The following NRXN3 variants were observed in gnomAD, a reference collection of about 807,000 sequenced individuals.
NRXN3 encodes the protein neurexin III.
Under a neutral mutation model 137.6 loss-of-function variants are expected in NRXN3, and 32 were observed. That is an observed-to-expected ratio of 0.23 (90% confidence interval 0.18 to 0.31). The LOEUF (loss-of-function observed/expected upper bound fraction) is 0.31. NRXN3 is among the 10% of genes least tolerant of loss of function. NRXN3 has a pLI of 1.00. For synonymous variants in NRXN3, 798 were observed against 784.5 expected, an observed-to-expected ratio of 1.02 and a Z score of -0.29; for missense variants, 1,574 against 2,062.5, an observed-to-expected ratio of 0.76 and a Z score of 4.59.
chr14:79,190,588 C>T (rs745778267), intron 15 of NRXN3, among the ~76,000 whole-genome samples: 47 of 152,152 alleles, frequency 3.1e-4, no homozygotes, highest in Middle Eastern at 6.8e-3. Context: ...AGTGTCCAAA[C>T]GCCAATAATG....
At chr14:78,841,208 T>G (rs2099011396) in intron 10 of NRXN3, among the ~76,000 whole-genome samples, 1 of 152,158 alleles carries the variant, frequency 6.6e-6, no homozygotes, top group Non-Finnish European at 1.5e-5. Flanking sequence ...ACCTGGCCAC[T>G]TAGAATTATT....
At chr14:79,563,744 G>A (rs780705247) in intron 16 of NRXN3, among the ~76,000 whole-genome samples, 3 of 151,580 alleles carry the variant, frequency 2.0e-5, no homozygotes, top group Admixed American at 6.6e-5. Flanking sequence ...CACTATGGCA[G>A]TTGCAGGGCT....
chr14:78,919,683 T>C (rs965863024), intron 10 of NRXN3, among the ~76,000 whole-genome samples: 1 of 152,186 alleles, frequency 6.6e-6, no homozygotes, highest in Admixed American at 6.5e-5. Flanking sequence ...AGCAAACAAA[T>C]TGAAGATGTT....
chr14:79,597,743 A>T (rs181188376), intron 16 of NRXN3, among the ~76,000 whole-genome samples: 167 of 152,274 alleles, frequency 1.1e-3, no homozygotes, highest in African/African-American at 3.8e-3. Context: ...CTTAGAAGAC[A>T]TAGCCCTTTC....
chr14:78,550,662 G>A (rs2096679838), intron 4 of NRXN3, among the ~76,000 whole-genome samples: 1 of 152,120 alleles, frequency 6.6e-6, no homozygotes, highest in Non-Finnish European at 1.5e-5. Context: ...GCTCTGCCCG[G>A]GATGTATGAG....
intron 15 of NRXN3, among the ~76,000 whole-genome samples, chr14:79,106,430 C>T (rs1292491777): frequency 1.3e-5 from 2 of 151,710 alleles, no homozygotes; most frequent in African/African-American, 4.9e-5. Context: ...TGTGCTTTCT[C>T]TTGATTCCTG....
At chr14:78,478,072 A>G (rs555812972) in intron 4 of NRXN3, among the ~76,000 whole-genome samples, 1 of 152,308 alleles carries the variant, frequency 6.6e-6, no homozygotes, top group Non-Finnish European at 1.5e-5. Flanking sequence ...TTCTAACTTG[A>G]AGAATATAGC....
chr14:78,701,487 G>A (rs2194529), intron 6 of NRXN3, among the ~76,000 whole-genome samples: 75,370 of 152,056 alleles, frequency 0.5, 22,216 homozygotes, highest in Non-Finnish European at 0.63. Context: ...CTAGATAACT[G>A]AATGGCTTTT....
chr14:79,623,606 T>G (rs2098248250), intron 16 of NRXN3, among the ~76,000 whole-genome samples: 1 of 152,252 alleles, frequency 6.6e-6, no homozygotes, highest in African/African-American at 2.4e-5. Context: ...TATACTCAAC[T>G]GCAACTTTAC....
chr14:79,575,739 T>C (rs975108569), intron 16 of NRXN3, among the ~76,000 whole-genome samples: 4 of 152,182 alleles, frequency 2.6e-5, no homozygotes, highest in African/African-American at 9.7e-5. Flanking sequence ...TGTTTGAGTA[T>C]ATATACATAT....
intron 1 of NRXN3, among the ~76,000 whole-genome samples, chr14:78,225,680 C>T (rs1196369242): frequency 6.6e-6 from 1 of 152,146 alleles, no homozygotes; most frequent in African/African-American, 2.4e-5. Flanking sequence ...TATTCGCTCC[C>T]ACCCATCCTG....
chr14:78,779,476 A>C (rs943122958), intron 8 of NRXN3, among the ~76,000 whole-genome samples: 2 of 152,134 alleles, frequency 1.3e-5, no homozygotes, highest in African/African-American at 2.4e-5. Context: ...TGAAGTGAAA[A>C]AACTAGCCAA....
chr14:78,369,972 C>T (rs897026815), intron 4 of NRXN3, among the ~76,000 whole-genome samples: 2 of 150,988 alleles, frequency 1.3e-5, no homozygotes, highest in Non-Finnish European at 2.9e-5. Context: ...TTTGTCTGCT[C>T]AAGTTAAATA....
intron 1 of NRXN3, among the ~76,000 whole-genome samples, chr14:78,178,909 A>AGAG (rs1179921360): frequency 8.5e-5 from 13 of 152,170 alleles, no homozygotes; most frequent in African/African-American, 2.7e-4. Context: ...TACTCTAGAC[A>AGAG]GAGGTCTTCC....
At chr14:78,923,439 A>C (rs2099276513) in intron 10 of NRXN3, among the ~76,000 whole-genome samples, 1 of 152,248 alleles carries the variant, frequency 6.6e-6, no homozygotes, top group African/African-American at 2.4e-5. Flanking sequence ...TCTTCTTTTA[A>C]GGCTTTTGAA....
intron 20 of NRXN3, among the ~76,000 whole-genome samples, chr14:79,851,046 A>G (rs529649043): frequency 5.3e-5 from 8 of 152,214 alleles, no homozygotes; most frequent in Non-Finnish European, 1.2e-4. Flanking sequence ...GTTTTAAAAC[A>G]GGCAATTTTG....
chr14:78,452,546 T>C (rs2094576116), intron 4 of NRXN3, among the ~76,000 whole-genome samples: 1 of 152,224 alleles, frequency 6.6e-6, no homozygotes, highest in Admixed American at 6.5e-5. Flanking sequence ...GTGGAGGATC[T>C]TTAATTTTTC....
chr14:79,139,366 A>G (rs1251769769), intron 15 of NRXN3, among the ~76,000 whole-genome samples: 2 of 152,188 alleles, frequency 1.3e-5, no homozygotes, highest in Non-Finnish European at 2.9e-5. Context: ...GCCTGCATAT[A>G]TGCATGCATG....
rs1010043195 is a variant in NRXN3, at chr14:78,558,323, C to T, written c.758-86797C>T. ...TTTCTAGATGGATATTCTGTGTCTT[C>T]GACAAACTCCTGGTAGGAATTGTCT... is the stretch of plus-strand genomic sequence containing the variant. On this transcript the variant is annotated intron_variant, in intron 4 of 20. Coordinates refer to ENST00000335750, the MANE Select transcript of NRXN3 (RefSeq NM_001330195.2). Among the ~76,000 whole-genome samples the T allele has an allele frequency of 5.3e-5, 8 of 152,282 alleles. No homozygotes were observed. The South Asian group carries it at 8.3e-4, about 16-fold the overall frequency.
Sources: allele counts gnomAD v4.1 joint callset (sites outside exome capture counted in the v4.1 genomes callset), GRCh38; gene constraint gnomAD v4.1.1; transcripts MANE v1.5; gene names NCBI Gene and HGNC (gene_info 2026-07-23, HGNC 2026-07-21).